The following INTS3 variants were observed in gnomAD, a reference collection of about 807,000 sequenced individuals.
INTS3 encodes SOSS complex subunit A.
INTS3 carries 34 observed loss-of-function variants against 146.3 expected under a neutral mutation model. The observed-to-expected ratio is 0.23, with a 90% CI of 0.18 to 0.31. The LOEUF is 0.31. INTS3 is among the 10% of genes least tolerant of loss of function. INTS3 has a pLI of 1.00. For missense variants in INTS3, 757 were observed against 1,304.2 expected (o/e 0.58, Z 6.46); for synonymous variants, 475 against 494.9 (o/e 0.96, Z 0.53).
chr1:153,765,013 T>C lies in INTS3; in HGVS notation c.2040T>C (p.Tyr680=). The change falls in exon 20 of 30, where the codon TAT becomes TAC. Residue 680 remains tyrosine, a synonymous_variant. Coordinates refer to ENST00000318967, the MANE Select transcript of INTS3 (RefSeq NM_023015.5). The part of the protein sequence containing the change: ...SLLLDLLSEL[Y]QKQPKIGYHL... ...TTCTAGACCTTCTCTCCGAGCTATA[T>C]CAGAAGCAGCCCAAGATTGGCTACC... 1 of 1,614,056 alleles carries C rather than the reference T, an allele frequency of 6.2e-7. No homozygotes were observed. The highest frequency in any genetic ancestry group is 8.5e-7 in the Non-Finnish European group (1 of 1,179,958).
intron 3 of INTS3, among the ~76,000 whole-genome samples, chr1:153,742,103 A>G (rs1238370705): frequency 6.6e-6 from 1 of 152,206 alleles, no homozygotes; most frequent in Non-Finnish European, 1.5e-5. Flanking sequence ...GTTCCTTGGC[A>G]TAGCTGCTTG....
intron 20 of INTS3, 139 bp downstream of exon 20, chr1:153,765,202 T>A: frequency 2.3e-6 from 2 of 883,316 alleles, no homozygotes; most frequent in Non-Finnish European, 3.6e-6. Context: ...GGTTTGTTTT[T>A]AAGAGACAGC....
intron 9 of INTS3, among the ~76,000 whole-genome samples, 199 bp downstream of exon 9, chr1:153,754,938 T>A (rs1242458097): frequency 6.6e-6 from 1 of 152,174 alleles, no homozygotes; most frequent in African/African-American, 2.4e-5. Context: ...GGATTGGGGG[T>A]ACACTGTCGA....
At position 153,773,098 on chromosome 1, in the gene INTS3, T is replaced by G. The variant is rs778155898; in HGVS notation, c.3051+17T>G. 27 of 1,613,978 alleles carry G rather than the reference T, an allele frequency of 1.7e-5. No individual in the cohort carries two copies. In the South Asian group the frequency reaches 3.0e-4, roughly 18 times the overall value. ...AGTGCTTCAGTGAGAACCCAGCCAG[T>G]GCACAGGGGGAAAAGGAGCACTGGG... On this transcript the variant is annotated intron_variant, in intron 29 of 29. Coordinates refer to ENST00000318967, the MANE Select transcript of INTS3 (RefSeq NM_023015.5).
intron 3 of INTS3, among the ~76,000 whole-genome samples, chr1:153,746,603 G>A (rs562678454): frequency 2.2e-4 from 34 of 152,260 alleles, no homozygotes; most frequent in East Asian, 7.7e-4. Flanking sequence ...GGGTTTCACC[G>A]TGTTAGCCAG....
chr1:153,737,149 A>T (rs568147030), intron 1 of INTS3, among the ~76,000 whole-genome samples: 1 of 152,282 alleles, frequency 6.6e-6, no homozygotes, highest in African/African-American at 2.4e-5. Flanking sequence ...TCTCAATAAG[A>T]TGTGTGGTGA....
At chr1:153,730,059 T>C (rs1400789996) in intron 1 of INTS3, among the ~76,000 whole-genome samples, 2 of 152,122 alleles carry the variant, frequency 1.3e-5, no homozygotes, top group Non-Finnish European at 2.9e-5. Flanking sequence ...ACAGGTGAAA[T>C]TCAGAATTTA....
chr1:153,764,687 T>C lies in INTS3; in HGVS notation c.1926-3T>C. ...ATTCTCAAATATAACCCTCTTCTTG[T>C]AGGTCCCTGGAGGAGTCTGTAGGAA... On this transcript the variant is annotated splice_region_variant and splice_polypyrimidine_tract_variant and intron_variant, in intron 18 of 29. Coordinates refer to ENST00000318967, the MANE Select transcript of INTS3 (RefSeq NM_023015.5). The C allele has an allele frequency of 6.2e-7, 1 of 1,605,344 alleles. No homozygotes were observed. The highest frequency in any genetic ancestry group is 8.5e-7 in the Non-Finnish European group (1 of 1,172,040).
At chr1:153,733,506 C>G (rs575081765) in intron 1 of INTS3, among the ~76,000 whole-genome samples, 118 of 152,022 alleles carry the variant, frequency 7.8e-4, no homozygotes, top group African/African-American at 2.7e-3. Flanking sequence ...CCACCGCACC[C>G]AGCTGTCCTT....
chr1:153,756,289 C>G (rs1387059723), intron 9 of INTS3, among the ~76,000 whole-genome samples: 1 of 150,930 alleles, frequency 6.6e-6, no homozygotes, highest in Non-Finnish European at 1.5e-5. Flanking sequence ...AACCCAGACG[C>G]AGGAGGCAGA....
chr1:153,760,118 G>C lies in INTS3; in HGVS notation c.1238-193G>C, dbSNP rs547249966. 3.7e-5 allele frequency: 22 copies of C among 591,436 alleles called. No homozygotes were observed. The East Asian group carries it at 5.8e-4, about 16-fold the overall frequency. 36.6% of individuals were successfully genotyped at this position (591,436 alleles called of 1,614,324 possible). ...GTGGTGGCGCACACCTGTAATTCCA[G>C]CTGCTGGGGAGGTTGAGGCATGAGA... On this transcript the variant is annotated intron_variant, in intron 11 of 29. Transcript: ENST00000318967.
At chr1:153,731,259 A>T (rs555591500) in intron 1 of INTS3, among the ~76,000 whole-genome samples, 1 of 152,328 alleles carries the variant, frequency 6.6e-6, no homozygotes, top group African/African-American at 2.4e-5. Flanking sequence ...TGATTAGGAA[A>T]GACCTTTAGA....
chr1:153,771,928 C>T lies in INTS3; in HGVS notation c.2685C>T (p.Leu895=). 1 of 1,613,970 alleles carries T rather than the reference C, an allele frequency of 6.2e-7. No individual in the cohort carries two copies. Among genetic ancestry groups the T allele is most frequent in the South Asian group, 1.1e-5 (1 of 91,068 alleles). The change falls in exon 26 of 30, where the codon CTC becomes CTT. Residue 895 remains leucine, a synonymous_variant. Transcript: ENST00000318967. ...ELLAEHIKSL[L]IKNNSLPRKR... ...TGGCCGAGCACATCAAGTCCCTGCTCATCAAGAACAACAGCCTGCCTCGCA... is the reference window on the plus strand; with the variant it reads ...TGGCCGAGCACATCAAGTCCCTGCTTATCAAGAACAACAGCCTGCCTCGCA...
At chr1:153,729,495 C>A (rs1204354193) in intron 1 of INTS3, among the ~76,000 whole-genome samples, 3 of 152,200 alleles carry the variant, frequency 2.0e-5, no homozygotes, top group Non-Finnish European at 4.4e-5. Flanking sequence ...TGTCCTCTTA[C>A]CCAGCTTTCT....
chr1:153,754,566 C>G, intron 8 of INTS3, 76 bp from the exon 9 acceptor site: 3 of 1,021,100 alleles, frequency 2.9e-6, no homozygotes, highest in Non-Finnish European at 4.7e-6. Flanking sequence ...GTACCTGGCC[C>G]AGGTTCCCAA....
chr1:153,751,225 C>T lies in INTS3; in HGVS notation c.715C>T (p.Leu239=). The T allele has an allele frequency of 6.2e-7, 1 of 1,614,180 alleles. No individual in the cohort carries two copies. Among genetic ancestry groups the T allele is most frequent in the Non-Finnish European group, 8.5e-7 (1 of 1,180,010 alleles). ...RQKEVDFCIS[L]LRERFMECLM... is the part of the protein sequence containing the mutation. ...GAAGGAAGTAGACTTCTGCATCTCA[C>T]TGCTTCGGGAACGGGTGAGGGAACA... Residue 239 remains leucine, a synonymous_variant, in exon 7 of 30, where the codon CTG becomes TTG. Coordinates refer to ENST00000318967, the MANE Select transcript of INTS3 (RefSeq NM_023015.5).
At chr1:153,736,798 C>T (rs797005232) in intron 1 of INTS3, among the ~76,000 whole-genome samples, 4 of 131,544 alleles carry the variant, frequency 3.0e-5, no homozygotes, top group African/African-American at 8.7e-5. Flanking sequence ...GGGTCTCCCT[C>T]TGTCGCCCAG....
intron 18 of INTS3, 49 bp from the exon 19 acceptor site, chr1:153,764,641 C>T (rs771192067): frequency 1.4e-6 from 2 of 1,405,618 alleles, no homozygotes; most frequent in Non-Finnish European, 2.0e-6. Flanking sequence ...TCCGTATGTG[C>T]CAGCAGCCCC....
chr1:153,740,684 A>C lies in INTS3; in HGVS notation c.184A>C (p.Met62Leu). Residue 62 changes from methionine to leucine, a missense_variant, in exon 2 of 30, where the codon ATG becomes CTG. Met to Leu is a conservative substitution (Grantham distance 15, BLOSUM62 2). Around this residue, in one of 8 missense-constraint regions of INTS3, gnomAD observed 160 missense variants for 193.7 expected, o/e 0.83. Coordinates refer to ENST00000318967, the MANE Select transcript of INTS3 (RefSeq NM_023015.5). ...AAGGTGTATGAGCATTGTGACATCG[A>C]TGACTGCTGGTGTCTCGGAGAGAGA... The part of the protein sequence containing the change: ...LERCMSIVTS[M>L]TAGVSEREAN... The C allele has an allele frequency of 6.2e-7, 1 of 1,614,110 alleles. No homozygotes were observed. The highest frequency in any genetic ancestry group is 8.5e-7 in the Non-Finnish European group (1 of 1,179,992).
Sources: gnomAD v4.1 joint callset for allele counts (sites outside exome capture counted in the v4.1 genomes callset) on GRCh38, gnomAD v4.1.1 for gene constraint, gnomAD v4.1.1 regional missense constraint, MANE v1.5 for transcripts, NCBI Gene and HGNC (gene_info 2026-07-23, HGNC 2026-07-21) for gene names.